Variants in TRIM69 observed in about 807,000 individuals in gnomAD.
TRIM69 encodes the protein tripartite motif containing 69.
In TRIM69, 29 loss-of-function variants were observed where a neutral mutation model predicts 37.7. That is an observed-to-expected ratio of 0.77 (90% CI 0.57 to 1.05). The LOEUF is 1.05. Ranked by LOEUF, TRIM69 falls within the 50% of genes least tolerant of loss-of-function variation. TRIM69 has a pLI of 0.00. For synonymous variants in TRIM69, 209 were observed against 212.4 expected (o/e 0.98, Z 0.14); for missense variants, 596 against 579.9 (o/e 1.03, Z -0.28).
intron 1 of TRIM69, chr15:44,754,540 ATAAT>A (rs2087602045): frequency 5.2e-6 from 1 of 190,922 alleles, no homozygotes; most frequent in African/African-American, 2.3e-5. Context: ...TTCTTTGTAT[ATAAT>A]TTCTAGAAAA....
chr15:44,766,460 G>A (rs555954640), intron 6 of TRIM69, among the ~76,000 whole-genome samples: 48 of 152,222 alleles, frequency 3.2e-4, no homozygotes, highest in African/African-American at 1.1e-3. Context: ...AAGCTCTTGT[G>A]TTCTCTTCCA....
At chr15:44,747,956 A>G (rs923413460) in intron 1 of TRIM69, among the ~76,000 whole-genome samples, 1 of 152,236 alleles carries the variant, frequency 6.6e-6, no homozygotes. Context: ...GGGCAGGGTT[A>G]GGAATGAGGA....
At chr15:44,740,348 T>C (rs543881552) in intron 1 of TRIM69, among the ~76,000 whole-genome samples, 142 of 152,336 alleles carry the variant, frequency 9.3e-4, no homozygotes, top group Non-Finnish European at 1.8e-3. Flanking sequence ...AGGAACGCAG[T>C]TCCTCACCAG....
intron 1 of TRIM69, among the ~76,000 whole-genome samples, chr15:44,747,893 T>G (rs1359318118): frequency 6.6e-6 from 1 of 152,138 alleles, no homozygotes; most frequent in African/African-American, 2.4e-5. Context: ...AATCTGAATA[T>G]AAGGGAAACT....
At chr15:44,762,919 T>C (rs567486593) in intron 6 of TRIM69, among the ~76,000 whole-genome samples, 64 of 152,286 alleles carry the variant, frequency 4.2e-4, no homozygotes, top group African/African-American at 1.5e-3. Context: ...TAATGGGCTT[T>C]ATTTTTTAGG....
chr15:44,759,829 C>G lies in TRIM69; in HGVS notation c.918C>G (p.Ile306Met). The change falls in exon 6 of 7, where the codon ATC becomes ATG. Residue 306 changes from isoleucine (I) to methionine (M), a missense_variant. By Grantham distance (10) the Ile-to-Met change is conservative. Coordinates refer to ENST00000329464, the MANE Select transcript of TRIM69 (RefSeq NM_182985.5). ...KLNLGQYKGP[I>M]QYMVWREMQD... ...ACCTGGGCCAGTACAAAGGTCCTAT[C>G]CAGTACATGGTATGGAGGGAAATGC... 6.2e-7 allele frequency: 1 copy of G among 1,614,134 alleles called. No homozygotes were observed. Among genetic ancestry groups the G allele is most frequent in the Non-Finnish European group, 8.5e-7 (1 of 1,180,014 alleles).
Position 44,759,768 on chromosome 15 carries a change from T to A in TRIM69, c.857T>A (p.Val286Glu). The A allele has an allele frequency of 6.2e-7, 1 of 1,614,178 alleles. No individual in the cohort carries two copies. The highest frequency in any genetic ancestry group is 8.5e-7 in the Non-Finnish European group (1 of 1,180,028). Residue 286 changes from valine (V) to glutamate (E), a missense_variant, in exon 6 of 7, where the codon GTG becomes GAG. Physicochemically the swap from Val to Glu is moderately radical, Grantham distance 121. Transcript: ENST00000329464. ...TGCAGCTTGGAGCAAGGAATGAAGG[T>A]GCTGGCAACCAGAGAGCTTATTTCC... ...LLHSLEQGMK[V>E]LATRELISRK...
intron 1 of TRIM69, among the ~76,000 whole-genome samples, chr15:44,738,180 T>C (rs1268107023): frequency 2.7e-5 from 4 of 149,928 alleles, no homozygotes; most frequent in Admixed American, 6.7e-5. Context: ...TGCCTCAGCA[T>C]CCCAAATAGC....
intron 2 of TRIM69, among the ~76,000 whole-genome samples, chr15:44,756,011 A>C (rs2087637587): frequency 1.3e-5 from 2 of 152,194 alleles, no homozygotes; most frequent in Non-Finnish European, 2.9e-5. Context: ...GTAGCTAGCT[A>C]CTAAGAGAGA....
At position 44,755,103 on chromosome 15, in the gene TRIM69, G is replaced by T. The variant is rs146347944; in HGVS notation, c.210G>T (p.Arg70Ser). ...FCEACIQDFWRLQAKETFCPE... is the reference protein window; with the variant it reads ...FCEACIQDFWSLQAKETFCPE... ...AAGCCTGTATCCAAGACTTTTGGAG[G>T]CTGCAAGCAAAGGAAACATTCTGTC... is the stretch of plus-strand genomic sequence containing the variant. Residue 70 changes from arginine (R) to serine (S), a missense_variant, in exon 2 of 7, where the codon AGG (arginine) becomes AGT (serine). By Grantham distance (110) the Arg-to-Ser change is moderately radical. Coordinates refer to ENST00000329464, the MANE Select transcript of TRIM69 (RefSeq NM_182985.5). 6 of 1,614,178 alleles carry T rather than the reference G, an allele frequency of 3.7e-6. No homozygotes were observed. The African/African-American group carries it at 8.0e-5, about 22-fold the overall frequency.
Position 44,758,837 on chromosome 15 carries a change from T to C in TRIM69, c.796T>C (p.Ser266Pro), listed in dbSNP as rs1414598619. The C allele has an allele frequency of 2.5e-6, 4 of 1,613,170 alleles. No individual in the cohort carries two copies. Among genetic ancestry groups the C allele is most frequent in the Admixed American group, 1.7e-5 (1 of 59,858 alleles). The change falls in exon 4 of 7, where the codon TCC (serine) becomes CCC (proline). Residue 266 changes from serine (S) to proline (P), a missense_variant. Coordinates refer to ENST00000329464, the MANE Select transcript of TRIM69 (RefSeq NM_182985.5). ...SIQAKTEQQN[S>P]FDFLKDITTL... ...TCAGGCAAAGACGGAACAACAGAAC[T>C]CCTTCGACTTTCTCAAAGTGAGAAT...
intron 1 of TRIM69, among the ~76,000 whole-genome samples, chr15:44,751,902 T>C (rs1051989743): frequency 6.6e-5 from 10 of 151,618 alleles, no homozygotes; most frequent in African/African-American, 2.4e-4. Flanking sequence ...TGTTCCATTA[T>C]GGCCAATTTT....
intron 1 of TRIM69, among the ~76,000 whole-genome samples, chr15:44,745,223 G>C (rs2087380019): frequency 6.6e-6 from 1 of 151,816 alleles, no homozygotes; most frequent in Admixed American, 6.5e-5. Flanking sequence ...AAGACTGGGA[G>C]GTTTTTGTTG....
chr15:44,755,038 C>T lies in TRIM69; in HGVS notation c.145C>T (p.Arg49Ter), dbSNP rs200443297. 52 of 1,614,178 alleles carry T rather than the reference C, an allele frequency of 3.2e-5. No individual in the cohort carries two copies. In the East Asian group the frequency reaches 5.3e-4, roughly 17 times the overall value. The change falls in exon 2 of 7, where the codon CGA (arginine) becomes TGA (stop). Residue 49 changes from arginine to a stop codon, truncating the protein, a stop_gained. Coordinates refer to ENST00000329464, the MANE Select transcript of TRIM69 (RefSeq NM_182985.5). LOFTEE classifies it high-confidence loss of function. ...CTGCCCTCTGTGCAATGATTGGTTC[C>T]GAGACCCACTGATGCTAAGCTGTGG... ...LHCPLCNDWF[R>*]DPLMLSCGHN... is the part of the protein sequence containing the mutation.
chr15:44,741,156 A>C (rs982630712), intron 1 of TRIM69, among the ~76,000 whole-genome samples: 1 of 152,146 alleles, frequency 6.6e-6, no homozygotes, highest in African/African-American at 2.4e-5. Context: ...CTCAGGATTA[A>C]GAAACTCACT....
intron 2 of TRIM69, among the ~76,000 whole-genome samples, chr15:44,756,064 T>A (rs2087638730): frequency 6.6e-6 from 1 of 152,180 alleles, no homozygotes; most frequent in Non-Finnish European, 1.5e-5. Flanking sequence ...AATTCTTTTT[T>A]TTTCTTTGTT....
intron 1 of TRIM69, among the ~76,000 whole-genome samples, chr15:44,741,670 CAG>C (rs2087289251): frequency 6.6e-6 from 1 of 152,168 alleles, no homozygotes; most frequent in Non-Finnish European, 1.5e-5. Context: ...AAACTACCAT[CAG>C]AGAATACTAC....
rs750213277 is a variant in TRIM69 at position 44,767,510 on chromosome 15, G to A, written c.1241G>A (p.Trp414Ter). ...CCTCTAACTCCTGAGCAAGGATTCT[G>A]GCTTTTAAGACTAAGGAACCAAACT... ...SCPLTPEQGF[W>*]LLRLRNQTDL... The change falls in exon 7 of 7, where the codon TGG becomes TAG. Residue 414 changes from tryptophan to a stop codon, truncating the protein, a stop_gained. Coordinates refer to ENST00000329464, the MANE Select transcript of TRIM69 (RefSeq NM_182985.5). LOFTEE classifies it high-confidence loss of function. The A allele has an allele frequency of 6.2e-7, 1 of 1,614,170 alleles. No individual in the cohort carries two copies. The highest frequency in any genetic ancestry group is 8.5e-7 in the Non-Finnish European group (1 of 1,180,024).
chr15:44,759,809 G>A lies in TRIM69; in HGVS notation c.898G>A (p.Gly300Ser). 6.2e-7 allele frequency: 1 copy of A among 1,614,096 alleles called. No individual in the cohort carries two copies. The change falls in exon 6 of 7, where the codon GGC becomes AGC. Residue 300 changes from glycine to serine, a missense_variant. Transcript: ENST00000329464. Reference protein sequence around the residue: ...RELISRKLNLGQYKGPIQYMV... With the variant: ...RELISRKLNLSQYKGPIQYMV... ...GCTTATTTCCAGAAAGCTGAACCTG[G>A]GCCAGTACAAAGGTCCTATCCAGTA...
Sources: allele counts gnomAD v4.1 joint callset (sites outside exome capture counted in the v4.1 genomes callset), GRCh38; gene constraint gnomAD v4.1.1; transcripts MANE v1.5; gene names NCBI Gene and HGNC (gene_info 2026-07-23, HGNC 2026-07-21).